Variants in IGLL5 observed in about 807,000 individuals in gnomAD.
IGLL5 encodes the protein immunoglobulin lambda like polypeptide 5.
In IGLL5, 30 loss-of-function variants were observed where a neutral mutation model predicts 20.9. The observed-to-expected ratio is 1.44, with a 90% CI of 1.07 to 1.95. IGLL5 has a LOEUF of 1.95. Ranked by LOEUF, IGLL5 falls within the 30% of genes most tolerant of loss-of-function variation. The pLI, the probability that IGLL5 is intolerant of heterozygous loss-of-function variation, is 0.00. For missense variants in IGLL5, 475 were observed against 270.7 expected (o/e 1.75, Z -5.30); for synonymous variants, 203 against 117.3 (o/e 1.73, Z -4.72).
In IGLL5 at chr22:22,888,160, A is replaced by G. The variant is rs544159503; in HGVS notation, c.107A>G (p.His36Arg). 5.2e-6 allele frequency: 8 copies of G among 1,549,190 alleles called. No homozygotes were observed. Among genetic ancestry groups the G allele is most frequent in the African/African-American group, 2.7e-5 (2 of 72,904 alleles). ...LLLLGLAMVA[H>R]GLLRPMVAPQ... ...CTGCTGGGTCTGGCCATGGTCGCCC[A>G]TGGCCTGCTGCGCCCAATGGTTGCA... Residue 36 changes from histidine to arginine, a missense_variant, in exon 1 of 3, where the codon CAT (histidine) becomes CGT (arginine). Physicochemically the swap from His to Arg is conservative, Grantham distance 29 (BLOSUM62 0). Transcript: ENST00000526893.
intron 2 of IGLL5, 46 bp downstream of exon 2, chr22:22,893,864 C>T (rs2067937017): frequency 3.0e-6 from 4 of 1,315,398 alleles, no homozygotes; most frequent in African/African-American, 1.4e-5. Context: ...CCTCTGCTGT[C>T]CCTGGAAAAT....
At position 22,894,648 on chromosome 22, in the gene IGLL5, G is replaced by T. The variant is rs148995354; in HGVS notation, c.326-727G>T. ...GAGAACTCCATGGCTACCAGGTGAA[G>T]TTTGGGGTCATCACAGGCTGCTGGG... On this transcript the variant is annotated intron_variant, in intron 2 of 2. Transcript: ENST00000526893. Among the ~76,000 whole-genome samples the T allele has an allele frequency of 2.0e-5, 3 of 150,258 alleles. 1 individual carries two copies. Among genetic ancestry groups the T allele is most frequent in the Middle Eastern group, 4.1e-3 (1 of 246 alleles).
At chr22:22,890,347 T>C (rs2067793286) in intron 1 of IGLL5, among the ~76,000 whole-genome samples, 2 of 136,440 alleles carry the variant, frequency 1.5e-5, no homozygotes, top group African/African-American at 2.8e-5. Flanking sequence ...ACACACACAG[T>C]TGGTGCTGGG....
At position 22,895,870 on chromosome 22, in the gene IGLL5, G is replaced by T; in HGVS notation, c.*176G>T. 1 of 700,722 alleles carries T rather than the reference G, an allele frequency of 1.4e-6. No individual in the cohort carries two copies. Among genetic ancestry groups the T allele is most frequent in the South Asian group, 1.8e-5 (1 of 54,720 alleles). The allele number at this position is 700,722 out of a possible 1,614,324, so 43.4% of individuals were successfully genotyped here. On this transcript the variant is annotated 3_prime_UTR_variant, in exon 3 of 3. Transcript: ENST00000526893. The stretch of plus-strand genomic sequence containing the variant: ...TCTCATTTTTTTTCTCACATAAATT[G>T]CTAGCCTCCCCGGGGTTCTCAGTGT...
intron 1 of IGLL5, among the ~76,000 whole-genome samples, chr22:22,890,312 A>AACACACACAC (rs372346670): frequency 4.0e-5 from 5 of 123,740 alleles, no homozygotes; most frequent in African/African-American, 1.4e-4. Context: ...TGTCCCTGAA[A>AACACACACAC]ACACACACAC....
In IGLL5 at chr22:22,888,968, G is replaced by C. The variant is rs58430917; in HGVS notation, c.206+709G>C. 3.2e-4 allele frequency among the ~76,000 whole-genome samples: 48 copies of C among 150,948 alleles called. 2 individuals carry two copies. The highest frequency in any genetic ancestry group is 1.4e-3 in the East Asian group (7 of 4,912). ...CAGAGCAGCGTCAGAGGAGAGGAGAGCACAGGATGAGGCTGGGAGCTCCTG... is the reference window on the plus strand; with the variant it reads ...CAGAGCAGCGTCAGAGGAGAGGAGACCACAGGATGAGGCTGGGAGCTCCTG... On this transcript the variant is annotated intron_variant, in intron 1 of 2. Transcript: ENST00000526893.
chr22:22,888,948 C>A, intron 1 of IGLL5, among the ~76,000 whole-genome samples: 2 of 151,276 alleles, frequency 1.3e-5, no homozygotes, highest in East Asian at 2.0e-4. Context: ...AAAGACAGAG[C>A]AGCGTCAGAG....
chr22:22,892,298 A>G (rs2067873462), intron 1 of IGLL5, among the ~76,000 whole-genome samples: 1 of 151,266 alleles, frequency 6.6e-6, no homozygotes, highest in Admixed American at 6.6e-5. Flanking sequence ...AATGTATTAA[A>G]TACAAGCTGC....
At chr22:22,889,501 C>T (rs116122178) in intron 1 of IGLL5, among the ~76,000 whole-genome samples, 3 of 151,148 alleles carry the variant, frequency 2.0e-5, no homozygotes, top group Admixed American at 6.6e-5. Flanking sequence ...GGGTGGTTAG[C>T]TCAGCATTAT....
chr22:22,890,666 G>A (rs1479663767), intron 1 of IGLL5, among the ~76,000 whole-genome samples: 1 of 150,098 alleles, frequency 6.7e-6, no homozygotes, highest in African/African-American at 2.4e-5. Flanking sequence ...TGCTGGATCA[G>A]AGAGAATGTA....
At chr22:22,889,717 A>G (rs964574773) in intron 1 of IGLL5, among the ~76,000 whole-genome samples, 4 of 151,318 alleles carry the variant, frequency 2.6e-5, no homozygotes, top group Non-Finnish European at 4.4e-5. Context: ...CCTCCTGAGT[A>G]GCTAGGACTA....
At chr22:22,890,509 T>C (rs1222554380) in intron 1 of IGLL5, among the ~76,000 whole-genome samples, 1 of 145,368 alleles carries the variant, frequency 6.9e-6, no homozygotes. Flanking sequence ...CAGAATTTAT[T>C]TCCACTAAAA....
In IGLL5 at chr22:22,888,193, G is replaced by GCGGGGAC; in HGVS notation, c.142_148dup (p.Pro50ArgfsTer44). The GCGGGGAC allele has an allele frequency of 6.5e-7, 1 of 1,548,766 alleles. No homozygotes were observed. The highest frequency in any genetic ancestry group is 1.2e-5 in the South Asian group (1 of 83,966). On this transcript the variant is annotated frameshift_variant, in exon 1 of 3. Coordinates refer to ENST00000526893, the MANE Select transcript of IGLL5 (RefSeq NM_001178126.2). LOFTEE classifies it high-confidence loss of function. ...CTGCGCCCAATGGTTGCACCGCAAA[G>GCGGGGAC]CGGGGACCCAGACCCTGGAGCCTCA...
chr22:22,889,392 A>G (rs2067714700), intron 1 of IGLL5, among the ~76,000 whole-genome samples: 3 of 151,336 alleles, frequency 2.0e-5, no homozygotes, highest in South Asian at 2.1e-4. Context: ...GTCAAAAAAC[A>G]AAGTGTGTTT....
At position 22,888,250 on chromosome 22, in the gene IGLL5, T is replaced by G. The variant is rs1054717911; in HGVS notation, c.197T>G (p.Leu66Arg). 5 of 1,547,486 alleles carry G rather than the reference T, an allele frequency of 3.2e-6. 1 individual carries two copies. The highest frequency in any genetic ancestry group is 4.9e-5 in the East Asian group (2 of 40,604). The change falls in exon 1 of 3, where the codon CTG (leucine) becomes CGG (arginine). Residue 66 changes from leucine to arginine, a missense_variant. Physicochemically the swap from Leu to Arg is moderately radical, Grantham distance 102 (BLOSUM62 -2). Transcript: ENST00000526893. Reference protein sequence around the residue: ...VGSSRSSLRSLWGRLLLQPSP... With the variant: ...VGSSRSSLRSRWGRLLLQPSP... ...AGCAGCCGATCCAGCCTGCGGAGCC[T>G]GTGGGGCAGGTAAGGGGCAAGAGAT...
At position 22,888,738 on chromosome 22, in the gene IGLL5, C is replaced by G. The variant is rs149788771; in HGVS notation, c.206+479C>G. ...GGTCTCCCCCAAGGCTGTCTGTTCA[C>G]CAACTTGCACATAAATGCTTACTGG... On this transcript the variant is annotated intron_variant, in intron 1 of 2. Coordinates refer to ENST00000526893, the MANE Select transcript of IGLL5 (RefSeq NM_001178126.2). 1.3e-4 allele frequency among the ~76,000 whole-genome samples: 20 copies of G among 151,186 alleles called. 1 individual carries two copies. Among genetic ancestry groups the G allele is most frequent in the East Asian group, 6.1e-4 (3 of 4,916 alleles).
At position 22,888,180 on chromosome 22, in the gene IGLL5, G is replaced by C. The variant is rs6003368; in HGVS notation, c.127G>C (p.Val43Leu). The C allele has an allele frequency of 1.3e-5, 20 of 1,548,920 alleles. No homozygotes were observed. The highest frequency in any genetic ancestry group is 1.7e-4 in the Middle Eastern group (1 of 5,766). ...CGCCCATGGCCTGCTGCGCCCAATG[G>C]TTGCACCGCAAAGCGGGGACCCAGA... ...MVAHGLLRPM[V>L]APQSGDPDPG... Residue 43 changes from valine to leucine, a missense_variant, in exon 1 of 3, where the codon GTT becomes CTT. Physicochemically the swap from Val to Leu is conservative, Grantham distance 32. Transcript: ENST00000526893.
chr22:22,894,432 G>A (rs1341269822), intron 2 of IGLL5, among the ~76,000 whole-genome samples: 8 of 151,500 alleles, frequency 5.3e-5, no homozygotes, highest in African/African-American at 1.7e-4. Flanking sequence ...ACTGGGTGAG[G>A]TGCCAGAATC....
At chr22:22,894,149 C>T (rs545436683) in intron 2 of IGLL5, among the ~76,000 whole-genome samples, 11 of 151,412 alleles carry the variant, frequency 7.3e-5, no homozygotes, top group East Asian at 4.0e-4. Context: ...AGGGACATTG[C>T]CCAGTGACTC....
Sources: allele counts gnomAD v4.1 joint callset (sites outside exome capture counted in the v4.1 genomes callset), GRCh38; gene constraint gnomAD v4.1.1; transcripts MANE v1.5; gene names NCBI Gene and HGNC (gene_info 2026-07-23, HGNC 2026-07-21).